Variants in ARHGEF12 observed in about 807,000 individuals in gnomAD.
The protein encoded by ARHGEF12 is KMT2A/ARHGEF12 fusion protein.
ARHGEF12 carries 66 observed loss-of-function variants against 211.2 expected under a neutral mutation model. The observed-to-expected ratio is 0.31, with a 90% CI of 0.26 to 0.38. ARHGEF12 has a LOEUF of 0.38. Among genes scored for constraint, ARHGEF12 ranks in the 10% least tolerant of loss-of-function variants. The probability of loss-of-function intolerance (pLI) is 1.00; values close to 1 mark genes in which losing one functional copy is unlikely to be tolerated. For missense variants in ARHGEF12, 1,429 were observed against 1,869.5 expected (o/e 0.76, Z 4.34); for synonymous variants, 592 against 638.4 (o/e 0.93, Z 1.09).
At chr11:120,447,688 C>T (rs918543746) in intron 18 of ARHGEF12, among the ~76,000 whole-genome samples, 186 bp from the exon 19 acceptor site, 1 of 152,254 alleles carries the variant, frequency 6.6e-6, no homozygotes, top group East Asian at 1.9e-4. Flanking sequence ...CATGGTGGCA[C>T]TCCTGTAATC....
In ARHGEF12 at chr11:120,477,862, C is replaced by CAA. The variant is rs528182938; in HGVS notation, c.3533-283_3533-282dup. On this transcript the variant is annotated intron_variant, in intron 36 of 40. Coordinates refer to ENST00000397843, the MANE Select transcript of ARHGEF12 (RefSeq NM_015313.3). The stretch of plus-strand genomic sequence containing the variant: ...AGCCTGGGCAACAAGACCGAAACAC[C>CAA]AAAAAAAAAAAAGAAAAAAAGAAAA... 1.4e-3 allele frequency among the ~76,000 whole-genome samples: 98 copies of CAA among 69,358 alleles called. 1 individual carries two copies. Among genetic ancestry groups the CAA allele is most frequent in the African/African-American group, 5.3e-3 (87 of 16,472 alleles). The allele number at this position is 69,358 out of a possible 152,430, so 45.5% of individuals were successfully genotyped here.
intron 7 of ARHGEF12, among the ~76,000 whole-genome samples, chr11:120,426,578 T>A (rs1014561825): frequency 6.6e-6 from 1 of 152,130 alleles, no homozygotes; most frequent in African/African-American, 2.4e-5. Flanking sequence ...TAAAACCAAA[T>A]ACATAGGCAA....
chr11:120,406,366 A>G lies in ARHGEF12; in HGVS notation c.56+225A>G, dbSNP rs554723652. Among the ~76,000 whole-genome samples the G allele has an allele frequency of 4.6e-5, 7 of 152,246 alleles. No individual in the cohort carries two copies. The East Asian group carries it at 1.3e-3, about 29-fold the overall frequency. On this transcript the variant is annotated intron_variant, in intron 2 of 40. Transcript: ENST00000397843. The stretch of plus-strand genomic sequence containing the variant: ...ATATAAGCATTTAAAAATTTTGTTC[A>G]AAAGGATATTTAAGGTCACACTGAA...
At position 120,486,495 on chromosome 11, in the gene ARHGEF12, G is replaced by A; in HGVS notation, c.*1418G>A. The A allele has an allele frequency of 4.3e-6, 1 of 230,390 alleles. No individual in the cohort carries two copies. The highest frequency in any genetic ancestry group is 1.8e-4 in the South Asian group (1 of 5,504). 14.3% of individuals were successfully genotyped at this position (230,390 alleles called of 1,614,324 possible). ...AGCACCCTACAGAGGGTAAGTTTCA[G>A]AATTGTAATTTGAGAACTCCTTCAA... is the stretch of plus-strand genomic sequence containing the variant. On this transcript the variant is annotated 3_prime_UTR_variant, in exon 41 of 41. Transcript: ENST00000397843.
chr11:120,347,266 CTGTCTG>C (rs748699719), intron 1 of ARHGEF12, among the ~76,000 whole-genome samples: 22,088 of 133,266 alleles, frequency 0.17, 2,118 homozygotes, highest in Non-Finnish European at 0.21. Context: ...CTCTCTCTCT[CTGTCTG>C]TGTGTGTGTG....
chr11:120,337,865 T>C (rs1234748085), intron 1 of ARHGEF12: 1 of 985,406 alleles, frequency 1.0e-6, no homozygotes, highest in East Asian at 1.1e-4. Flanking sequence ...GCTGAAGAAA[T>C]GAGGGTAAAT....
chr11:120,362,879 T>A (rs1943315547), intron 1 of ARHGEF12, among the ~76,000 whole-genome samples: 1 of 151,786 alleles, frequency 6.6e-6, no homozygotes, highest in African/African-American at 2.4e-5. Flanking sequence ...GGCGGGCGGA[T>A]CATGAGGTCA....
chr11:120,375,578 T>C (rs1943702426), intron 1 of ARHGEF12, among the ~76,000 whole-genome samples: 1 of 151,590 alleles, frequency 6.6e-6, no homozygotes, highest in South Asian at 2.1e-4. Context: ...ATAAAAAGTT[T>C]GTTTTTGAGA....
At chr11:120,343,748 A>G (rs775516922) in intron 1 of ARHGEF12, among the ~76,000 whole-genome samples, 10 of 152,206 alleles carry the variant, frequency 6.6e-5, no homozygotes, top group Non-Finnish European at 1.0e-4. Flanking sequence ...TTGGAACTAT[A>G]TAAGAGAGCC....
chr11:120,413,414 C>T (rs1944942833), intron 4 of ARHGEF12, among the ~76,000 whole-genome samples: 1 of 152,184 alleles, frequency 6.6e-6, no homozygotes, highest in Non-Finnish European at 1.5e-5. Context: ...ATATTGGAGA[C>T]ACTCATTAAG....
chr11:120,426,853 T>A (rs574302394), intron 7 of ARHGEF12, among the ~76,000 whole-genome samples: 1 of 151,608 alleles, frequency 6.6e-6, no homozygotes, highest in South Asian at 2.2e-4. Context: ...CTGACTCTGA[T>A]TATGGTGTTT....
intron 4 of ARHGEF12, chr11:120,410,519 T>C (rs1944852376): frequency 6.6e-6 from 1 of 152,128 alleles, no homozygotes; most frequent in Non-Finnish European, 1.5e-5. Context: ...GCTTGATATA[T>C]AGGAGAGGAA....
intron 38 of ARHGEF12, among the ~76,000 whole-genome samples, chr11:120,480,884 G>C (rs1947213737): frequency 1.3e-5 from 2 of 152,160 alleles, no homozygotes; most frequent in South Asian, 4.1e-4. Context: ...TTCCAGCAGA[G>C]AGCAGAGTGG....
chr11:120,421,993 T>C (rs1322833383), intron 6 of ARHGEF12, 141 bp downstream of exon 6: 2 of 605,144 alleles, frequency 3.3e-6, no homozygotes, highest in East Asian at 6.3e-5. Context: ...TACAAACTTA[T>C]TTCATTTGTT....
intron 1 of ARHGEF12, among the ~76,000 whole-genome samples, chr11:120,384,992 T>C (rs1943987340): frequency 6.6e-6 from 1 of 152,060 alleles, no homozygotes; most frequent in African/African-American, 2.4e-5. Context: ...TTTTTGGCAC[T>C]GTATTTGGGA....
At chr11:120,416,405 G>A (rs574055564) in intron 4 of ARHGEF12, among the ~76,000 whole-genome samples, 3 of 152,294 alleles carry the variant, frequency 2.0e-5, no homozygotes, top group South Asian at 4.1e-4. Context: ...GTGAGTAAGG[G>A]TGATACAGTA....
At position 120,477,386 on chromosome 11, in the gene ARHGEF12, G is replaced by A. The variant is rs1947071109; in HGVS notation, c.3453-61G>A. On this transcript the variant is annotated intron_variant, in intron 35 of 40. Coordinates refer to ENST00000397843, the MANE Select transcript of ARHGEF12 (RefSeq NM_015313.3). ...ACTAGGATAATTATTATGTTTTGTT[G>A]CGATGATGTTTAGATACCTCAGGAA... is the stretch of plus-strand genomic sequence containing the variant. 4.3e-5 allele frequency: 68 copies of A among 1,593,592 alleles called. 3 individuals are homozygous for A. In the South Asian group the frequency reaches 7.5e-4, roughly 18 times the overall value.
chr11:120,337,296 C>A, intron 1 of ARHGEF12, 21 bp downstream of exon 1: 1 of 1,609,874 alleles, frequency 6.2e-7, no homozygotes, highest in African/African-American at 1.3e-5. Flanking sequence ...ATTCCTCCTT[C>A]GTTCGGCCTC....
chr11:120,356,297 T>G (rs1374048031), intron 1 of ARHGEF12, among the ~76,000 whole-genome samples: 1 of 152,254 alleles, frequency 6.6e-6, no homozygotes, highest in African/African-American at 2.4e-5. Context: ...CTTGGCTCAC[T>G]GCAATCTCTG....
Sources: allele counts gnomAD v4.1 joint callset (sites outside exome capture counted in the v4.1 genomes callset), GRCh38; gene constraint gnomAD v4.1.1; transcripts MANE v1.5; gene names NCBI Gene and HGNC (gene_info 2026-07-23, HGNC 2026-07-21).